Variants in NEO1 observed in about 807,000 individuals in gnomAD.
The protein encoded by NEO1 is neogenin.
NEO1 carries 63 observed loss-of-function variants against 159.7 expected under a neutral mutation model. That is an observed-to-expected ratio of 0.39 (90% CI 0.32 to 0.49). The LOEUF (loss-of-function observed/expected upper bound fraction) is 0.49, where lower values mean the gene tolerates loss of function less well. NEO1 is among the 20% of genes least tolerant of loss of function. The pLI, the probability that NEO1 is intolerant of heterozygous loss-of-function variation, is 0.85. For synonymous variants in NEO1, 633 were observed against 662.0 expected, an observed-to-expected ratio of 0.96 and a Z score of 0.67; for missense variants, 1,615 against 1,831.0, an observed-to-expected ratio of 0.88 and a Z score of 2.15.
At chr15:73,172,882 G>A (rs1012107736) in intron 5 of NEO1, among the ~76,000 whole-genome samples, 1 of 152,126 alleles carries the variant, frequency 6.6e-6, no homozygotes, top group Admixed American at 6.5e-5. Context: ...TCTTATGTTG[G>A]CTAAAACTGT....
At chr15:73,261,212 C>T (rs2040605630) in intron 15 of NEO1, among the ~76,000 whole-genome samples, 2 of 151,952 alleles carry the variant, frequency 1.3e-5, no homozygotes, top group African/African-American at 4.8e-5. Context: ...TGGAACCAGC[C>T]ATTTCTCTAA....
intron 1 of NEO1, among the ~76,000 whole-genome samples, chr15:73,098,508 C>A (rs564546584): frequency 6.6e-6 from 1 of 152,208 alleles, no homozygotes; most frequent in African/African-American, 2.4e-5. Context: ...TAAATACACT[C>A]ATTTTTCTCC....
At chr15:73,224,947 A>G (rs2038493006) in intron 7 of NEO1, among the ~76,000 whole-genome samples, 4 of 152,126 alleles carry the variant, frequency 2.6e-5, no homozygotes, top group Admixed American at 2.6e-4. Flanking sequence ...GTCAGAGGGA[A>G]CATCTAGAGC....
intron 1 of NEO1, among the ~76,000 whole-genome samples, chr15:73,080,787 C>T (rs947770651): frequency 2.6e-5 from 4 of 151,768 alleles, no homozygotes. Context: ...CAGAAAGAGG[C>T]GGGAGAAGTT....
At chr15:73,056,147 C>T (rs1413353391) in intron 1 of NEO1, among the ~76,000 whole-genome samples, 1 of 152,174 alleles carries the variant, frequency 6.6e-6, no homozygotes, top group African/African-American at 2.4e-5. Flanking sequence ...GTATTCTTTA[C>T]CTCTGTTCTC....
At position 73,234,276 on chromosome 15, in the gene NEO1, C is replaced by A. The variant is rs1165688463; in HGVS notation, c.1292-2071C>A. 5.9e-5 allele frequency among the ~76,000 whole-genome samples: 9 copies of A among 152,306 alleles called. No homozygotes were observed. The South Asian group carries it at 1.7e-3, about 28-fold the overall frequency. On this transcript the variant is annotated intron_variant, in intron 7 of 28. Coordinates refer to ENST00000261908, the MANE Select transcript of NEO1 (RefSeq NM_002499.4). ...GAGATCCATATTTTCATTTGCATCT[C>A]ATTTATTCCATAGGTGTTGAATTGT...
chr15:73,304,470 G>A lies in NEO1; in HGVS notation c.*1774G>A, dbSNP rs556698279. 1 of 152,324 alleles carries A rather than the reference G, an allele frequency of 6.6e-6. No individual in the cohort carries two copies. The highest frequency in any genetic ancestry group is 1.9e-4 in the East Asian group (1 of 5,174). The allele number at this position is 152,324 out of a possible 1,614,324, so 9.4% of individuals were successfully genotyped here. A position where few individuals can be genotyped will look rare whatever the true frequency, so the allele number is the denominator to read the frequency against. On this transcript the variant is annotated 3_prime_UTR_variant, in exon 29 of 29. Coordinates refer to ENST00000261908, the MANE Select transcript of NEO1 (RefSeq NM_002499.4). Reference sequence around the variant, plus strand: ...CAGGCCACCTGCCTTTGAACTTGGGGATTTGCCATGTTTGATCTTGTCACA... The same window carrying A: ...CAGGCCACCTGCCTTTGAACTTGGGAATTTGCCATGTTTGATCTTGTCACA...
intron 23 of NEO1, among the ~76,000 whole-genome samples, chr15:73,287,450 T>A (rs2041988703): frequency 6.6e-6 from 1 of 152,250 alleles, no homozygotes; most frequent in Non-Finnish European, 1.5e-5. Context: ...GCACAGGGTC[T>A]GGCATATACT....
chr15:73,237,491 T>TA (rs2039242098), intron 8 of NEO1, among the ~76,000 whole-genome samples: 1 of 152,230 alleles, frequency 6.6e-6, no homozygotes, highest in Admixed American at 6.5e-5. Flanking sequence ...AAAGCTAAGA[T>TA]ACGTGTTTTA....
intron 7 of NEO1, among the ~76,000 whole-genome samples, chr15:73,202,549 C>T (rs1013918919): frequency 2.6e-5 from 4 of 152,132 alleles, no homozygotes; most frequent in South Asian, 2.1e-4. Context: ...ATGATTCTTT[C>T]GTTCTAGCTA....
At chr15:73,289,067 A>T (rs920060968) in intron 24 of NEO1, 79 bp from the exon 25 acceptor site, 1 of 1,057,870 alleles carries the variant, frequency 9.5e-7, no homozygotes, top group Non-Finnish European at 1.4e-6. Context: ...TGAATCCCCT[A>T]CTAGAAATGT....
rs144870462 is a variant in NEO1, at chr15:73,288,510, C to G, written c.3608C>G (p.Ser1203Cys). 77 of 1,614,148 alleles carry G rather than the reference C, an allele frequency of 4.8e-5. No homozygotes were observed. In the African/African-American group the frequency reaches 8.7e-4, roughly 18 times the overall value. The stretch of plus-strand genomic sequence containing the variant: ...CAAGATATCACACCAGTTGACAACT[C>G]CATGGACAGCAATATCCATCAAAGG... ...NSQDITPVDN[S>C]MDSNIHQRRN... Residue 1203 changes from serine to cysteine, a missense_variant, in exon 24 of 29, where the codon TCC (serine) becomes TGC (cysteine). By Grantham distance (112) the Ser-to-Cys change is moderately radical (BLOSUM62 -1). Transcript: ENST00000261908.
chr15:73,074,285 C>T (rs912602102), intron 1 of NEO1, among the ~76,000 whole-genome samples: 1 of 152,082 alleles, frequency 6.6e-6, no homozygotes, highest in Non-Finnish European at 1.5e-5. Flanking sequence ...AAAATGGAGG[C>T]CTTAATAACC....
At chr15:73,067,490 C>T (rs2068280600) in intron 1 of NEO1, among the ~76,000 whole-genome samples, 1 of 151,022 alleles carries the variant, frequency 6.6e-6, no homozygotes, top group Non-Finnish European at 1.5e-5. Flanking sequence ...CGCTGTGTTG[C>T]CCAGGCTGGA....
intron 4 of NEO1, among the ~76,000 whole-genome samples, chr15:73,133,285 A>G (rs983150372): frequency 3.3e-5 from 5 of 152,156 alleles, no homozygotes; most frequent in African/African-American, 1.2e-4. Context: ...ATTCTAAGTG[A>G]AATAACTCAG....
intron 8 of NEO1, among the ~76,000 whole-genome samples, chr15:73,240,152 C>T (rs1199007514): frequency 2.0e-5 from 3 of 152,160 alleles, no homozygotes; most frequent in East Asian, 1.9e-4. Flanking sequence ...CAATATGTGC[C>T]ACAGTCAGCT....
At chr15:73,294,835 C>T (rs1462357318) in intron 26 of NEO1, among the ~76,000 whole-genome samples, 8 of 151,900 alleles carry the variant, frequency 5.3e-5, no homozygotes, top group African/African-American at 9.7e-5. Context: ...CTACCGCGCC[C>T]GGTCCCCATT....
Position 73,302,496 on chromosome 15 carries a change from G to A in NEO1, c.4303-117G>A, listed in dbSNP as rs2042659177. The A allele has an allele frequency of 5.1e-5, 43 of 849,038 alleles. No individual in the cohort carries two copies. In the South Asian group the frequency reaches 6.5e-4, roughly 13 times the overall value. The allele number at this position is 849,038 out of a possible 1,614,324, so 52.6% of individuals were successfully genotyped here. On this transcript the variant is annotated intron_variant, in intron 28 of 28. Transcript: ENST00000261908. The stretch of plus-strand genomic sequence containing the variant: ...TTCTGAGCCACCCTGCGTGTTAGTA[G>A]CCAGTTTTCTGGGGCCATTTGACTA...
At chr15:73,211,882 CT>C (rs2037597243) in intron 7 of NEO1, among the ~76,000 whole-genome samples, 1 of 152,140 alleles carries the variant, frequency 6.6e-6, no homozygotes, top group South Asian at 2.1e-4. Context: ...TCAGTCTTTC[CT>C]TCTCTGCCAT....
Sources: allele counts gnomAD v4.1 joint callset (sites outside exome capture counted in the v4.1 genomes callset), GRCh38; gene constraint gnomAD v4.1.1; transcripts MANE v1.5; gene names NCBI Gene and HGNC (gene_info 2026-07-23, HGNC 2026-07-21).